Variants in MEI1 observed in about 807,000 individuals in gnomAD.
The protein encoded by MEI1 is meiosis inhibitor protein 1.
Under a neutral mutation model 146.2 loss-of-function variants are expected in MEI1, and 103 were observed. The observed-to-expected ratio is 0.70, with a 90% CI of 0.60 to 0.83. MEI1 has a LOEUF of 0.83. Among genes scored for constraint, MEI1 ranks in the 40% least tolerant of loss-of-function variants. The pLI is 0.00. For missense variants in MEI1, 1,529 were observed against 1,533.0 expected (o/e 1.00, Z 0.04); for synonymous variants, 652 against 628.2 (o/e 1.04, Z -0.57).
intron 19 of MEI1, among the ~76,000 whole-genome samples, chr22:41,764,238 G>A (rs190234516): frequency 1.1e-3 from 164 of 152,282 alleles, no homozygotes; most frequent in African/African-American, 3.8e-3. Context: ...GGGATTACAG[G>A]CGTGAGCCAC....
intron 6 of MEI1, 127 bp from the exon 7 acceptor site, chr22:41,723,816 T>G (rs1429382274): frequency 1.6e-6 from 2 of 1,224,688 alleles, no homozygotes; most frequent in Non-Finnish European, 2.3e-6. Context: ...TGCTTAAGGA[T>G]TCTAACCATT....
In MEI1 at chr22:41,738,148, C is replaced by T. The variant is rs371324178; in HGVS notation, c.1332-4932C>T. On this transcript the variant is annotated intron_variant, in intron 11 of 30. Transcript: ENST00000401548. ...TGGACAACATAGCGCCACCCCATCC[C>T]TACAAAACAATATAAAATAAAATAG... Among the ~76,000 whole-genome samples the T allele has an allele frequency of 2.0e-5, 3 of 151,784 alleles. No homozygotes were observed. In the East Asian group the frequency reaches 5.8e-4, roughly 30 times the overall value.
chr22:41,718,669 A>T (rs959079312), intron 6 of MEI1, among the ~76,000 whole-genome samples: 1 of 152,184 alleles, frequency 6.6e-6, no homozygotes, highest in Non-Finnish European at 1.5e-5. Flanking sequence ...TTATGCTGCT[A>T]TAACAGGATA....
At chr22:41,717,995 G>T (rs1406608642) in intron 5 of MEI1, 76 bp from the exon 6 acceptor site, 2 of 1,197,132 alleles carry the variant, frequency 1.7e-6, no homozygotes, top group Non-Finnish European at 2.4e-6. Context: ...ACCCCGTTAG[G>T]AATAATAGAT....
intron 26 of MEI1, among the ~76,000 whole-genome samples, chr22:41,789,983 G>C (rs966913821): frequency 1.3e-5 from 2 of 152,142 alleles, no homozygotes; most frequent in African/African-American, 4.8e-5. Flanking sequence ...TCTTTGTTCA[G>C]CCACAATGTC....
chr22:41,776,417 C>A, intron 21 of MEI1, 150 bp downstream of exon 21: 2 of 821,642 alleles, frequency 2.4e-6, no homozygotes, highest in Non-Finnish European at 1.9e-6. Context: ...CTAAACTTCA[C>A]CTCCTTTCTC....
At chr22:41,762,923 T>C (rs1015659641) in intron 18 of MEI1, among the ~76,000 whole-genome samples, 4 of 152,146 alleles carry the variant, frequency 2.6e-5, no homozygotes, top group African/African-American at 9.7e-5. Flanking sequence ...GGCAGATAGC[T>C]CACCTCCCAA....
intron 5 of MEI1, among the ~76,000 whole-genome samples, chr22:41,717,561 G>C (rs1279491272): frequency 6.6e-6 from 1 of 151,784 alleles, no homozygotes; most frequent in African/African-American, 2.4e-5. Flanking sequence ...GCCTCCCAAA[G>C]TGCTGAGATT....
chr22:41,758,270 C>G (rs1439253683), intron 17 of MEI1, 95 bp from the exon 18 acceptor site: 2 of 1,194,614 alleles, frequency 1.7e-6, no homozygotes, highest in South Asian at 1.5e-5. Flanking sequence ...CCTTGCTGCC[C>G]TGTGCAGTAC....
At chr22:41,742,621 T>C (rs1244670861) in intron 11 of MEI1, among the ~76,000 whole-genome samples, 1 of 152,210 alleles carries the variant, frequency 6.6e-6, no homozygotes, top group Non-Finnish European at 1.5e-5. Context: ...GGGCAAGGAA[T>C]GTACAAGAAG....
chr22:41,765,404 G>C (rs138331477), intron 19 of MEI1, among the ~76,000 whole-genome samples: 11 of 152,122 alleles, frequency 7.2e-5, no homozygotes, highest in African/African-American at 2.7e-4. Flanking sequence ...TTACTTGAGC[G>C]CAAGAGGTCG....
At chr22:41,786,581 C>A (rs1602159462) in intron 26 of MEI1, among the ~76,000 whole-genome samples, 2 of 152,346 alleles carry the variant, frequency 1.3e-5, no homozygotes, top group East Asian at 1.9e-4. Flanking sequence ...AAAAAGATTT[C>A]TCTTTCCTCA....
chr22:41,723,296 TG>T (rs1220192088), intron 6 of MEI1, among the ~76,000 whole-genome samples: 1 of 152,126 alleles, frequency 6.6e-6, no homozygotes, highest in Non-Finnish European at 1.5e-5. Context: ...CACTGCAACC[TG>T]TGTCTGCTGG....
chr22:41,790,345 A>G (rs1429568948), intron 26 of MEI1, among the ~76,000 whole-genome samples: 13 of 152,258 alleles, frequency 8.5e-5, no homozygotes, highest in Admixed American at 8.5e-4. Context: ...TTGGCATCCC[A>G]AAGTTCTGGG....
At chr22:41,759,638 A>G (rs2074335229) in intron 18 of MEI1, among the ~76,000 whole-genome samples, 2 of 149,372 alleles carry the variant, frequency 1.3e-5, no homozygotes, top group South Asian at 4.2e-4. Flanking sequence ...TCAAAAAATA[A>G]ATAAATAAAT....
At chr22:41,755,142 T>A (rs2074008995) in intron 17 of MEI1, among the ~76,000 whole-genome samples, 1 of 152,224 alleles carries the variant, frequency 6.6e-6, no homozygotes. Flanking sequence ...AGAGCGATTA[T>A]AACAGTATGT....
intron 4 of MEI1, among the ~76,000 whole-genome samples, chr22:41,714,825 G>A (rs1423998946): frequency 6.6e-6 from 1 of 151,924 alleles, no homozygotes; most frequent in Non-Finnish European, 1.5e-5. Context: ...AGTTTGCAGT[G>A]AGCTGAGATC....
At chr22:41,725,067 G>C (rs1241926313) in intron 7 of MEI1, among the ~76,000 whole-genome samples, 1 of 151,856 alleles carries the variant, frequency 6.6e-6, no homozygotes, top group South Asian at 2.1e-4. Flanking sequence ...CCTCCAAAGT[G>C]CTGGGATTAC....
intron 26 of MEI1, among the ~76,000 whole-genome samples, chr22:41,792,569 T>G (rs2148240602): frequency 6.6e-6 from 1 of 151,922 alleles, no homozygotes; most frequent in African/African-American, 2.4e-5. Context: ...CTGGGTCACA[T>G]GGGGTGAAGG....
Sources: gnomAD v4.1 joint callset for allele counts (sites outside exome capture counted in the v4.1 genomes callset) on GRCh38, gnomAD v4.1.1 for gene constraint, MANE v1.5 for transcripts, NCBI Gene and HGNC (gene_info 2026-07-23, HGNC 2026-07-21) for gene names.